The following ZMAT4 variants were observed in gnomAD, a reference collection of about 807,000 sequenced individuals.
ZMAT4 encodes the protein zinc finger matrin-type protein 4.
In ZMAT4, 17 loss-of-function variants were observed where a neutral mutation model predicts 28.7. The observed-to-expected ratio is 0.59, with a 90% CI of 0.41 to 0.89. The LOEUF (loss-of-function observed/expected upper bound fraction) is 0.89, where lower values mean the gene tolerates loss of function less well. Ranked by LOEUF, ZMAT4 falls within the 40% of genes least tolerant of loss-of-function variation. The pLI is 0.00. For synonymous variants in ZMAT4, 117 were observed against 109.2 expected, an observed-to-expected ratio of 1.07 and a Z score of -0.44; for missense variants, 240 against 283.8, an observed-to-expected ratio of 0.85 and a Z score of 1.11.
At chr8:40,863,108 C>T (rs16875494) in intron 1 of ZMAT4, among the ~76,000 whole-genome samples, 3,324 of 152,060 alleles carry the variant, frequency 0.022, 91 homozygotes, top group Admixed American at 0.085. Flanking sequence ...AGTGGCAAGA[C>T]CGGAGGCTGG....
chr8:40,787,995 TA>T (rs1814157369), intron 2 of ZMAT4, among the ~76,000 whole-genome samples: 1 of 152,030 alleles, frequency 6.6e-6, no homozygotes, highest in Non-Finnish European at 1.5e-5. Flanking sequence ...GGAAAAAATA[TA>T]AGTATTATAG....
chr8:40,603,147 G>A (rs1431030917), intron 5 of ZMAT4, among the ~76,000 whole-genome samples: 1 of 152,154 alleles, frequency 6.6e-6, no homozygotes, highest in East Asian at 1.9e-4. Context: ...CACATGTCTT[G>A]CCAATTATCC....
intron 3 of ZMAT4, among the ~76,000 whole-genome samples, chr8:40,734,191 G>A (rs1811659776): frequency 6.6e-6 from 1 of 152,124 alleles, no homozygotes; most frequent in Non-Finnish European, 1.5e-5. Flanking sequence ...TTTTAGATGG[G>A]ACTAGTCTTA....
At chr8:40,532,701 A>G (rs1802728434) in intron 6 of ZMAT4, among the ~76,000 whole-genome samples, 2 of 152,152 alleles carry the variant, frequency 1.3e-5, no homozygotes. Context: ...GAATAGAAAA[A>G]AAAAATTGTT....
intron 5 of ZMAT4, among the ~76,000 whole-genome samples, chr8:40,642,442 T>C (rs2599656): frequency 0.57 from 85,939 of 152,076 alleles, 24,942 homozygotes; most frequent in East Asian, 0.69. Flanking sequence ...AATGTGGCTA[T>C]CAGGAGACTA....
chr8:40,720,378 G>T (rs1376808960), intron 3 of ZMAT4, among the ~76,000 whole-genome samples: 2 of 152,084 alleles, frequency 1.3e-5, no homozygotes, highest in African/African-American at 2.4e-5. Context: ...GCAGGTATTA[G>T]TCTGTGGTCA....
At chr8:40,557,830 AGATAGAT>A (rs1164853269) in intron 6 of ZMAT4, among the ~76,000 whole-genome samples, 1 of 152,162 alleles carries the variant, frequency 6.6e-6, no homozygotes, top group African/African-American at 2.4e-5. Context: ...GTAAAAGAAG[AGATAGAT>A]GATAGATGGA....
chr8:40,587,999 G>T (rs1804723987), intron 5 of ZMAT4, among the ~76,000 whole-genome samples: 1 of 151,862 alleles, frequency 6.6e-6, no homozygotes, highest in South Asian at 2.1e-4. Context: ...GTTTTTACCA[G>T]AGATTAAGAA....
intron 6 of ZMAT4, among the ~76,000 whole-genome samples, chr8:40,535,745 A>G (rs893011180): frequency 6.6e-6 from 1 of 152,160 alleles, no homozygotes; most frequent in South Asian, 2.1e-4. Context: ...AGAAGAAAGC[A>G]CTTTGACCAT....
chr8:40,568,764 T>C (rs916287780), intron 6 of ZMAT4, among the ~76,000 whole-genome samples: 5 of 152,110 alleles, frequency 3.3e-5, no homozygotes, highest in Non-Finnish European at 7.4e-5. Flanking sequence ...AATTAGTAGA[T>C]AGGTTCAGGA....
chr8:40,551,852 C>A (rs1156956976), intron 6 of ZMAT4, among the ~76,000 whole-genome samples: 2 of 152,068 alleles, frequency 1.3e-5, no homozygotes, highest in African/African-American at 4.8e-5. Context: ...AACTTAGATT[C>A]AAATCTCAGT....
intron 5 of ZMAT4, among the ~76,000 whole-genome samples, chr8:40,667,854 A>G (rs1236045506): frequency 1.4e-5 from 2 of 146,696 alleles, no homozygotes; most frequent in Admixed American, 1.4e-4. Context: ...AAAAACAACA[A>G]AAAAAAAAAC....
chr8:40,749,467 T>G (rs1056791383), intron 3 of ZMAT4, among the ~76,000 whole-genome samples: 1 of 152,190 alleles, frequency 6.6e-6, no homozygotes, highest in Non-Finnish European at 1.5e-5. Flanking sequence ...GCCTATGACC[T>G]CTCTTTTACA....
intron 6 of ZMAT4, among the ~76,000 whole-genome samples, chr8:40,546,829 G>A (rs1018234233): frequency 1.1e-4 from 16 of 152,136 alleles, no homozygotes; most frequent in African/African-American, 3.1e-4. Context: ...GGTACATAAA[G>A]CTGCGATGGA....
At chr8:40,844,258 G>A (rs553622670) in intron 1 of ZMAT4, among the ~76,000 whole-genome samples, 2 of 152,332 alleles carry the variant, frequency 1.3e-5, no homozygotes, top group African/African-American at 4.8e-5. Context: ...GTATTTCTGG[G>A]TATGTCAATG....
At position 40,836,140 on chromosome 8, in the gene ZMAT4, G is replaced by C. The variant is rs573883909; in HGVS notation, c.-4-10460C>G. Reference sequence around the variant, plus strand: ...ACATCTTGTGACACCCCCTACTTTGGGATGCAGTAAGAAATCGGGAAAATA... The same window carrying C: ...ACATCTTGTGACACCCCCTACTTTGCGATGCAGTAAGAAATCGGGAAAATA... On this transcript the variant is annotated intron_variant, in intron 1 of 6. Transcript: ENST00000297737. Among the ~76,000 whole-genome samples, 94 of 152,178 alleles carry C rather than the reference G, an allele frequency of 6.2e-4. 1 individual carries two copies. Among genetic ancestry groups the C allele is most frequent in the African/African-American group, 2.2e-3 (91 of 41,510 alleles).
intron 4 of ZMAT4, among the ~76,000 whole-genome samples, chr8:40,684,778 C>A (rs1427727017): frequency 6.6e-6 from 1 of 152,132 alleles, no homozygotes; most frequent in African/African-American, 2.4e-5. Context: ...AAGAGGGTGG[C>A]CTTTTGTCCT....
At chr8:40,794,059 T>G (rs1385909655) in intron 2 of ZMAT4, among the ~76,000 whole-genome samples, 2 of 152,194 alleles carry the variant, frequency 1.3e-5, no homozygotes, top group Non-Finnish European at 2.9e-5. Flanking sequence ...CTTTGCCAGC[T>G]GCCTTAGGAG....
chr8:40,536,532 A>T (rs933264094), intron 6 of ZMAT4, among the ~76,000 whole-genome samples: 19 of 152,082 alleles, frequency 1.2e-4, no homozygotes, highest in African/African-American at 4.1e-4. Context: ...TTTACTCATT[A>T]TTCCTTGCGA....
Sources: gnomAD v4.1 joint callset for allele counts (sites outside exome capture counted in the v4.1 genomes callset) on GRCh38, gnomAD v4.1.1 for gene constraint, MANE v1.5 for transcripts, NCBI Gene and HGNC (gene_info 2026-07-23, HGNC 2026-07-21) for gene names.